Variants in TENM3 observed in about 807,000 individuals in gnomAD.
TENM3 encodes teneurin transmembrane protein 3.
In TENM3, 63 loss-of-function variants were observed where a neutral mutation model predicts 255.1. The ratio of observed to expected loss-of-function variants is 0.25; its 90% CI spans 0.20 to 0.30. TENM3 has a LOEUF of 0.30. Among genes scored for constraint, TENM3 ranks in the 10% least tolerant of loss-of-function variants. The pLI, the probability that TENM3 is intolerant of heterozygous loss-of-function variation, is 1.00. For missense variants in TENM3, 2,929 were observed against 3,461.1 expected, an observed-to-expected ratio of 0.85 and a Z score of 3.86; for synonymous variants, 1,306 against 1,322.3, an observed-to-expected ratio of 0.99 and a Z score of 0.27.
chr4:182,098,973 T>TC, the TENM3 span, among the ~76,000 whole-genome samples: 1 of 146,328 alleles, frequency 6.8e-6, no homozygotes, highest in Non-Finnish European at 1.5e-5. Flanking sequence ...CTTTTTTTTT[T>TC]TTTTTTTGGA....
chr4:182,550,835 G>A (rs930814968), intron 3 of TENM3, among the ~76,000 whole-genome samples: 4 of 152,168 alleles, frequency 2.6e-5, no homozygotes, highest in Admixed American at 6.6e-5. Context: ...TTGGGATTGG[G>A]AAGGAAAGAT....
the TENM3 span, among the ~76,000 whole-genome samples, chr4:181,926,394 T>C: frequency 0.037 from 5,696 of 152,138 alleles, 390 homozygotes; most frequent in African/African-American, 0.13. Flanking sequence ...TAAAGTAACA[T>C]AAAACTATGT....
At chr4:182,681,764 C>T (rs1044008135) in intron 10 of TENM3, 50 bp from the exon 11 acceptor site, 5 of 1,305,846 alleles carry the variant, frequency 3.8e-6, no homozygotes, top group East Asian at 4.9e-5. Flanking sequence ...TTTCTGCATG[C>T]ACTATGATAT....
intron 1 of TENM3, among the ~76,000 whole-genome samples, chr4:182,159,388 AACAC>A (rs1290763342): frequency 6.6e-6 from 1 of 152,100 alleles, no homozygotes; most frequent in Non-Finnish European, 1.5e-5. Flanking sequence ...GAAATGAGCT[AACAC>A]ACAGGGAGGT....
intron 3 of TENM3, among the ~76,000 whole-genome samples, chr4:182,380,172 G>A (rs987727819): frequency 1.3e-5 from 2 of 152,220 alleles, no homozygotes; most frequent in African/African-American, 4.8e-5. Context: ...TCTCGAGGCT[G>A]AGGCATGAGA....
At chr4:182,447,008 C>T (rs1312187601) in intron 3 of TENM3, among the ~76,000 whole-genome samples, 1 of 151,912 alleles carries the variant, frequency 6.6e-6, no homozygotes, top group Non-Finnish European at 1.5e-5. Flanking sequence ...CAACAACATA[C>T]CTATTGTTCT....
At chr4:181,866,207 T>C in the TENM3 span, among the ~76,000 whole-genome samples, 2 of 152,214 alleles carry the variant, frequency 1.3e-5, no homozygotes, top group Non-Finnish European at 2.9e-5. Flanking sequence ...GTGCTATTTC[T>C]ATCTTCTGTA....
intron 12 of TENM3, among the ~76,000 whole-genome samples, chr4:182,696,461 T>G (rs938312308): frequency 6.6e-6 from 1 of 152,196 alleles, no homozygotes; most frequent in Non-Finnish European, 1.5e-5. Flanking sequence ...GCACAGTGGC[T>G]CATGCCTGTA....
rs1384306159 is a variant in TENM3, at chr4:182,630,597, G to A, written c.988+1708G>A. Among the ~76,000 whole-genome samples the A allele has an allele frequency of 4.6e-5, 7 of 152,276 alleles. No homozygotes were observed. In the South Asian group the frequency reaches 1.4e-3, roughly 32 times the overall value. ...CATTAGGTAAAAACAGCTAATGCAT[G>A]CTGGACTTAATACCTAGGTGATGAG... On this transcript the variant is annotated intron_variant, in intron 5 of 27. Transcript: ENST00000511685.
intron 3 of TENM3, among the ~76,000 whole-genome samples, chr4:182,481,205 T>A (rs11722758): frequency 0.21 from 31,981 of 152,020 alleles, 3,706 homozygotes; most frequent in Non-Finnish European, 0.26. Context: ...GAAAAACTAA[T>A]TTCTAAATCA....
chr4:181,603,622 A>G, the TENM3 span, among the ~76,000 whole-genome samples: 1 of 152,228 alleles, frequency 6.6e-6, no homozygotes, highest in African/African-American at 2.4e-5. Flanking sequence ...AAATATAGAA[A>G]TAATGAAATA....
the TENM3 span, among the ~76,000 whole-genome samples, chr4:181,815,395 A>G: frequency 1.4e-5 from 2 of 147,116 alleles, no homozygotes; most frequent in Non-Finnish European, 3.0e-5. Context: ...CCTGGGAGGC[A>G]GAGGTTGCAG....
chr4:182,439,292 C>G (rs1772279175), intron 3 of TENM3, among the ~76,000 whole-genome samples: 1 of 152,162 alleles, frequency 6.6e-6, no homozygotes, highest in Non-Finnish European at 1.5e-5. Flanking sequence ...CTCTCTTCTC[C>G]TATATTACTT....
chr4:181,581,772 G>A, the TENM3 span, among the ~76,000 whole-genome samples: 1 of 143,444 alleles, frequency 7.0e-6, no homozygotes, highest in Non-Finnish European at 1.5e-5. Context: ...TCCCTCTATT[G>A]CCCAGGCTGG....
intron 6 of TENM3, among the ~76,000 whole-genome samples, chr4:182,666,357 T>G (rs1313873883): frequency 1.3e-5 from 2 of 152,190 alleles, no homozygotes; most frequent in Non-Finnish European, 2.9e-5. Context: ...AGATATCAAA[T>G]AGCATCCCAT....
chr4:182,211,112 G>A (rs1755009472), intron 1 of TENM3, among the ~76,000 whole-genome samples: 1 of 152,152 alleles, frequency 6.6e-6, no homozygotes, highest in African/African-American at 2.4e-5. Context: ...CGGGGGACAA[G>A]GCACAGCAGC....
At chr4:181,495,902 T>TAAAAAAAAAA in the TENM3 span, among the ~76,000 whole-genome samples, 65 of 116,808 alleles carry the variant, frequency 5.6e-4, no homozygotes, top group Non-Finnish European at 7.7e-4. Context: ...AGAGACAAAT[T>TAAAAAAAAAA]AAAAAAAAAA....
At chr4:182,638,730 A>G (rs1752056070) in intron 5 of TENM3, among the ~76,000 whole-genome samples, 1 of 152,168 alleles carries the variant, frequency 6.6e-6, no homozygotes, top group African/African-American at 2.4e-5. Context: ...CTGGCATGAC[A>G]TTGGCTGGCT....
chr4:181,812,195 G>A, the TENM3 span, among the ~76,000 whole-genome samples: 1 of 152,114 alleles, frequency 6.6e-6, no homozygotes. Flanking sequence ...TAAGCTTTGA[G>A]ATATCATAAT....
Sources: allele counts gnomAD v4.1 joint callset (sites outside exome capture counted in the v4.1 genomes callset), GRCh38; gene constraint gnomAD v4.1.1; transcripts MANE v1.5; gene names NCBI Gene and HGNC (gene_info 2026-07-23, HGNC 2026-07-21).